Variants in GTF2I observed in about 807,000 individuals in gnomAD.
GTF2I encodes general transcription factor IIi, also known as general transcription factor II-I.
In GTF2I, 12 loss-of-function variants were observed where a neutral mutation model predicts 67.6. That is an observed-to-expected ratio of 0.18 (90% CI 0.11 to 0.29). GTF2I has a LOEUF of 0.29. Ranked by LOEUF, GTF2I falls within the 10% of genes least tolerant of loss-of-function variation. The pLI is 1.00. For synonymous variants in GTF2I, 149 were observed against 197.0 expected, an observed-to-expected ratio of 0.76 and a Z score of 2.04; for missense variants, 271 against 580.1, an observed-to-expected ratio of 0.47 and a Z score of 5.47.
chr7:74,692,843 A>C (rs1584153186), intron 3 of GTF2I, among the ~76,000 whole-genome samples: 1 of 150,994 alleles, frequency 6.6e-6, no homozygotes, highest in South Asian at 2.1e-4. Flanking sequence ...GCTCACCGCA[A>C]CCTCTGCCTC....
At chr7:74,664,356 G>A (rs1314351373) in intron 1 of GTF2I, among the ~76,000 whole-genome samples, 1 of 152,184 alleles carries the variant, frequency 6.6e-6, no homozygotes, top group Non-Finnish European at 1.5e-5. Flanking sequence ...TACTGAGAAA[G>A]TAAGAGAAAG....
At chr7:74,701,062 G>A (rs781874067) in intron 6 of GTF2I, among the ~76,000 whole-genome samples, 22 of 152,160 alleles carry the variant, frequency 1.4e-4, no homozygotes, top group Non-Finnish European at 3.1e-4. Context: ...GCATCCCTAC[G>A]GCAAGAATGG....
chr7:74,753,256 T>C (rs1795935311), intron 29 of GTF2I, 79 bp downstream of exon 29: 2 of 1,605,052 alleles, frequency 1.2e-6, no homozygotes, highest in African/African-American at 2.7e-5. Context: ...CAGATGATGG[T>C]TGGATGGTTG....
chr7:74,684,179 A>G (rs587617004), intron 1 of GTF2I, among the ~76,000 whole-genome samples: 2 of 152,314 alleles, frequency 1.3e-5, no homozygotes, highest in Admixed American at 1.3e-4. Context: ...TCTCCCACCC[A>G]GGGTTGCTGT....
intron 33 of GTF2I, 49 bp from the exon 34 acceptor site, chr7:74,758,725 TCACTGA>T: frequency 1.7e-6 from 1 of 582,570 alleles, no homozygotes. Flanking sequence ...AATGGATTTA[TCACTGA>T]GCAGGTCTGC....
chr7:74,704,691 A>G (rs1165367542), intron 6 of GTF2I, among the ~76,000 whole-genome samples: 1 of 151,962 alleles, frequency 6.6e-6, no homozygotes, highest in Admixed American at 6.6e-5. Flanking sequence ...TTCTACAAAA[A>G]ATAGAAAACA....
chr7:74,676,188 G>T (rs1211218094), intron 1 of GTF2I, among the ~76,000 whole-genome samples: 1 of 152,112 alleles, frequency 6.6e-6, no homozygotes, highest in Non-Finnish European at 1.5e-5. Flanking sequence ...TTTGTAAATT[G>T]TGTCAAGCAG....
intron 1 of GTF2I, chr7:74,687,599 G>A (rs587745116): frequency 1.0e-6 from 1 of 959,066 alleles, no homozygotes; most frequent in East Asian, 1.1e-4. Context: ...ATCTGGGCTA[G>A]CAGTTAATTC....
intron 1 of GTF2I, among the ~76,000 whole-genome samples, chr7:74,669,979 G>C (rs181908238): frequency 4.7e-4 from 71 of 152,156 alleles, no homozygotes; most frequent in African/African-American, 1.6e-3. Flanking sequence ...TAATTTTCCT[G>C]CTCTCTCAGA....
chr7:74,716,720 T>C, intron 10 of GTF2I, 174 bp from the exon 11 acceptor site: 5 of 521,580 alleles, frequency 9.6e-6, no homozygotes, highest in South Asian at 3.0e-5. Context: ...AATAGAAGCG[T>C]TGTATTCTTT....
At chr7:74,726,948 A>ACCCTGCCG (rs1793898351) in intron 12 of GTF2I, 2 of 152,108 alleles carry the variant, frequency 1.3e-5, no homozygotes, top group Non-Finnish European at 1.5e-5. Context: ...AGATAGAAAG[A>ACCCTGCCG]ATGAGACCCT....
At chr7:74,672,864 T>G (rs1227545936) in intron 1 of GTF2I, among the ~76,000 whole-genome samples, 13 of 152,180 alleles carry the variant, frequency 8.5e-5, no homozygotes, top group African/African-American at 3.1e-4. Context: ...TTTACTGTTT[T>G]GTTTTTTTTC....
chr7:74,668,784 G>A (rs1375420665), intron 1 of GTF2I, among the ~76,000 whole-genome samples: 4 of 152,006 alleles, frequency 2.6e-5, no homozygotes, highest in African/African-American at 4.8e-5. Flanking sequence ...ATGTTGGCCA[G>A]GCTGGTCTTG....
chr7:74,659,444 C>T (rs1370298729), intron 1 of GTF2I, among the ~76,000 whole-genome samples: 1 of 151,688 alleles, frequency 6.6e-6, no homozygotes, highest in East Asian at 1.9e-4. Flanking sequence ...GGCTGAAGTG[C>T]ACTGGTGTGA....
At chr7:74,689,347 A>ATT in intron 2 of GTF2I, 120 bp downstream of exon 2, 6 of 298,134 alleles carry the variant, frequency 2.0e-5, no homozygotes, top group South Asian at 1.2e-4. Context: ...CTTTTTCTTT[A>ATT]CTTTTTTTTT....
At chr7:74,667,076 C>T (rs1378498311) in intron 1 of GTF2I, among the ~76,000 whole-genome samples, 3 of 152,010 alleles carry the variant, frequency 2.0e-5, no homozygotes, top group Non-Finnish European at 2.9e-5. Context: ...ACCCTGGAGG[C>T]GGAGGTTGCA....
intron 1 of GTF2I, among the ~76,000 whole-genome samples, chr7:74,680,099 A>AAAAATATAT: frequency 1.3e-4 from 12 of 94,944 alleles, no homozygotes; most frequent in African/African-American, 2.4e-4. Flanking sequence ...AAAAAAAAAA[A>AAAAATATAT]ATATATATAT....
chr7:74,679,462 T>C (rs935204245), intron 1 of GTF2I, among the ~76,000 whole-genome samples: 6 of 152,226 alleles, frequency 3.9e-5, no homozygotes, highest in Non-Finnish European at 5.9e-5. Flanking sequence ...ACTATCATCT[T>C]TGCTTTCTAA....
chr7:74,711,028 CT>C lies in GTF2I; in HGVS notation c.686-3del. The C allele has an allele frequency of 6.7e-7, 1 of 1,492,980 alleles. No homozygotes were observed. Among genetic ancestry groups the C allele is most frequent in the South Asian group, 1.2e-5 (1 of 81,582 alleles). 92.5% of individuals were successfully genotyped at this position (1,492,980 alleles called of 1,614,324 possible). On this transcript the variant is annotated splice_region_variant and splice_polypyrimidine_tract_variant and intron_variant, in intron 8 of 34. Transcript: ENST00000573035. ...CAATCATATCATTGCATTTGCTTTT[CT>C]AGGCATTTCCCTGGAAATGGCAGCT...
Sources: gnomAD v4.1 joint callset for allele counts (sites outside exome capture counted in the v4.1 genomes callset) on GRCh38, gnomAD v4.1.1 for gene constraint, MANE v1.5 for transcripts, NCBI Gene and HGNC (gene_info 2026-07-23, HGNC 2026-07-21) for gene names.